MRC2: variants seen among roughly 807,000 people sequenced by gnomAD.
The protein encoded by MRC2 is mannose receptor C-type 2, also known as C-type mannose receptor 2.
A neutral mutation model predicts 206.2 loss-of-function variants in MRC2; 84 were observed. The observed-to-expected ratio is 0.41, with a 90% CI of 0.34 to 0.49. The LOEUF is 0.49. Among genes scored for constraint, MRC2 ranks in the 20% least tolerant of loss-of-function variants. MRC2 has a pLI of 0.31. For missense variants in MRC2, 1,676 were observed against 2,001.5 expected (o/e 0.84, Z 3.10); for synonymous variants, 798 against 800.0 (o/e 1.00, Z 0.04).
At position 62,690,781 on chromosome 17, in the gene MRC2, G is replaced by T; in HGVS notation, c.4012+20G>T. ...CCAAAGGTGGGTGCCCTGTGTGTGG[G>T]GTGGAGAGGTCAAGCCTCAGGCTGT... On this transcript the variant is annotated intron_variant, in intron 27 of 29. Transcript: ENST00000303375. 6.3e-7 allele frequency: 1 copy of T among 1,585,566 alleles called. No homozygotes were observed. Among genetic ancestry groups the T allele is most frequent in the Non-Finnish European group, 8.6e-7 (1 of 1,166,442 alleles).
At chr17:62,673,159 A>T (rs2088848505) in intron 8 of MRC2, among the ~76,000 whole-genome samples, 1 of 152,216 alleles carries the variant, frequency 6.6e-6, no homozygotes, top group Non-Finnish European at 1.5e-5. Context: ...ACAATTATGT[A>T]TTGAGTATCT....
Position 62,690,728 on chromosome 17 carries a change from G to A in MRC2, c.3979G>A (p.Gly1327Ser), listed in dbSNP as rs1326721193. The change falls in exon 27 of 30, where the codon GGC (glycine) becomes AGC (serine). Residue 1327 changes from glycine to serine, a missense_variant. Gly to Ser is a moderately conservative substitution (Grantham distance 56). Transcript: ENST00000303375. ...GCAGAGCTATGAGGGCCAGAGTCGGGGCGCCTGGCTGGGCATGAACTTCAA... is the reference window on the plus strand; with the variant it reads ...GCAGAGCTATGAGGGCCAGAGTCGGAGCGCCTGGCTGGGCATGAACTTCAA... ...HLQSYEGQSR[G>S]AWLGMNFNPK... 1.2e-6 allele frequency: 2 copies of A among 1,612,340 alleles called. No individual in the cohort carries two copies. The highest frequency in any genetic ancestry group is 1.1e-5 in the South Asian group (1 of 90,716).
chr17:62,656,190 G>A (rs1046186457), intron 1 of MRC2, among the ~76,000 whole-genome samples: 15 of 152,110 alleles, frequency 9.9e-5, no homozygotes, highest in African/African-American at 3.6e-4. Context: ...GGGATTACAG[G>A]TGTGCGCCAC....
chr17:62,635,177 A>G (rs1250693870), intron 1 of MRC2, among the ~76,000 whole-genome samples: 1 of 136,184 alleles, frequency 7.3e-6, no homozygotes, highest in Non-Finnish European at 1.5e-5. Flanking sequence ...CTGTTACTTC[A>G]TTGCTATTTT....
At chr17:62,638,779 G>A (rs551894529) in intron 1 of MRC2, among the ~76,000 whole-genome samples, 8 of 150,874 alleles carry the variant, frequency 5.3e-5, no homozygotes, top group Middle Eastern at 3.4e-3. Context: ...TTAGCCAGGC[G>A]TGGTGGTGGG....
At chr17:62,682,592 G>C (rs867285855) in intron 20 of MRC2, among the ~76,000 whole-genome samples, 1 of 152,154 alleles carries the variant, frequency 6.6e-6, no homozygotes, top group Admixed American at 6.5e-5. Flanking sequence ...CGGGAAGCAA[G>C]GTTGTCCAAA....
At chr17:62,685,224 A>G (rs1356281259) in intron 20 of MRC2, among the ~76,000 whole-genome samples, 1 of 152,148 alleles carries the variant, frequency 6.6e-6, no homozygotes, top group Admixed American at 6.5e-5. Flanking sequence ...TATTATTAAA[A>G]CTTTGGAAAA....
At chr17:62,683,458 A>G (rs2088994385) in intron 20 of MRC2, among the ~76,000 whole-genome samples, 1 of 151,426 alleles carries the variant, frequency 6.6e-6, no homozygotes, top group African/African-American at 2.4e-5. Flanking sequence ...ACAAAAGCGA[A>G]ACTCCGTCTC....
In MRC2 at chr17:62,676,448, T is replaced by A; in HGVS notation, c.1751T>A (p.Leu584Gln). ...NWEGEYFWTA[L>Q]QDLNSTGSFF... ...GAGGGCGAGTACTTCTGGACGGCCC[T>A]GCAGGACCTCAACAGCACCGGCTCC... The change falls in exon 11 of 30, where the codon CTG becomes CAG. Residue 584 changes from leucine to glutamine, a missense_variant. This residue lies in a region of MRC2 where 1,354 missense variants were observed against 1,636.6 expected (regional missense o/e 0.83). Transcript: ENST00000303375. The A allele has an allele frequency of 6.2e-7, 1 of 1,613,954 alleles. No individual in the cohort carries two copies.
intron 1 of MRC2, among the ~76,000 whole-genome samples, chr17:62,639,816 G>A (rs2088375937): frequency 6.6e-6 from 1 of 151,934 alleles, no homozygotes; most frequent in Admixed American, 6.6e-5. Context: ...ACCACATGAT[G>A]GATTATTTAC....
In MRC2 at chr17:62,676,574, G is replaced by A. The variant is rs1279601640; in HGVS notation, c.1834+43G>A. On this transcript the variant is annotated intron_variant, in intron 11 of 29. Transcript: ENST00000303375. ...CTTGCCTTGGTGAAGCGAGGAGGGA[G>A]GCCAGGGTGGACTGGCCCTGCCAGC... The A allele has an allele frequency of 3.9e-6, 6 of 1,545,076 alleles. No homozygotes were observed. The African/African-American group carries it at 6.9e-5, about 18-fold the overall frequency.
rs1312521508 is a variant in MRC2 at position 62,693,253 on chromosome 17, C to T, written c.*802C>T. 6.6e-6 allele frequency: 1 copy of T among 152,494 alleles called. No homozygotes were observed. The highest frequency in any genetic ancestry group is 1.9e-4 in the East Asian group (1 of 5,178). 9.4% of individuals were successfully genotyped at this position (152,494 alleles called of 1,614,324 possible). A position where few individuals can be genotyped will look rare whatever the true frequency, so the allele number is the denominator to read the frequency against. The stretch of plus-strand genomic sequence containing the variant: ...ACCAAAATAAGTTCCCTAACATCTC[C>T]AGCTCCTGGCTCTGGTTTGGAGCAA... On this transcript the variant is annotated 3_prime_UTR_variant, in exon 30 of 30. Coordinates refer to ENST00000303375, the MANE Select transcript of MRC2 (RefSeq NM_006039.5).
rs1182421313 is a variant in MRC2 at position 62,666,559 on chromosome 17, G to C, written c.799G>C (p.Glu267Gln). 4 of 1,612,254 alleles carry C rather than the reference G, an allele frequency of 2.5e-6. No homozygotes were observed. Among genetic ancestry groups the C allele is most frequent in the South Asian group, 1.1e-5 (1 of 90,804 alleles). Residue 267 changes from glutamate to glutamine, a missense_variant, in exon 4 of 30, where the codon GAG becomes CAG. This residue lies in a region of MRC2 where 1,354 missense variants were observed against 1,636.6 expected (regional missense o/e 0.83). Transcript: ENST00000303375. The surrounding 1 kb of genome is among the most constrained non-coding windows in gnomAD (Gnocchi z 5.0). Reference sequence around the variant, plus strand: ...GTGGAGGGAGGCCTGGGCCAGCTGCGAGCAGCAGGGTGCGGATCTGCTGAG... The same window carrying C: ...GTGGAGGGAGGCCTGGGCCAGCTGCCAGCAGCAGGGTGCGGATCTGCTGAG... ...LSWREAWASCEQQGADLLSIT... is the reference protein window; with the variant it reads ...LSWREAWASCQQQGADLLSIT...
At chr17:62,646,023 A>ATTTTT (rs34679697) in intron 1 of MRC2, among the ~76,000 whole-genome samples, 77 of 106,378 alleles carry the variant, frequency 7.2e-4, no homozygotes, top group African/African-American at 2.6e-3. Context: ...GTCCTTTTCT[A>ATTTTT]TTTTTTTTTT....
At chr17:62,679,053 GAGAT>G (rs1193478963) in intron 13 of MRC2, among the ~76,000 whole-genome samples, 3 of 152,084 alleles carry the variant, frequency 2.0e-5, no homozygotes, top group Non-Finnish European at 4.4e-5. Flanking sequence ...TTTTTCCTGA[GAGAT>G]AGGAGGAGAA....
At chr17:62,659,047 T>C (rs2088650512) in intron 1 of MRC2, among the ~76,000 whole-genome samples, 1 of 152,206 alleles carries the variant, frequency 6.6e-6, no homozygotes, top group African/African-American at 2.4e-5. Context: ...TCAAGGTTCC[T>C]GCCGATTCAA....
At position 62,692,536 on chromosome 17, in the gene MRC2, C is replaced by A; in HGVS notation, c.*85C>A. On this transcript the variant is annotated 3_prime_UTR_variant, in exon 30 of 30. Transcript: ENST00000303375. The surrounding 1 kb of genome is among the most constrained non-coding windows in gnomAD (Gnocchi z 4.2). ...GTCTGGCCCCCCACCAGCTGCCTGT[C>A]CAGTTGGCCTATGGAAGGGTGCCCT... 1.5e-6 allele frequency: 2 copies of A among 1,359,726 alleles called. No homozygotes were observed. Among genetic ancestry groups the A allele is most frequent in the South Asian group, 1.4e-5 (1 of 73,654 alleles). The allele number at this position is 1,359,726 out of a possible 1,614,324, so 84.2% of individuals were successfully genotyped here. A position where few individuals can be genotyped will look rare whatever the true frequency, so the allele number is the denominator to read the frequency against.
Position 62,667,837 on chromosome 17 carries a change from T to C in MRC2, c.1117+304T>C, listed in dbSNP as rs1333294644. Among the ~76,000 whole-genome samples the C allele has an allele frequency of 6.6e-6, 1 of 152,204 alleles. No homozygotes were observed. Among genetic ancestry groups the C allele is most frequent in the Admixed American group, 6.5e-5 (1 of 15,282 alleles). On this transcript the variant is annotated intron_variant, in intron 6 of 29. Coordinates refer to ENST00000303375, the MANE Select transcript of MRC2 (RefSeq NM_006039.5). This position sits in a 1 kb window ranked among gnomAD's most constrained non-coding sequence, Gnocchi z 4.1. ...AATGCAGTTAGACTATCCCAGGTCA[T>C]GAGTGATTATAGAAATATGGATCAG...
rs757929356 is a variant in MRC2, at chr17:62,678,519, C to T, written c.2068C>T (p.Arg690Trp). 33 of 1,612,004 alleles carry T rather than the reference C, an allele frequency of 2.0e-5. No individual in the cohort carries two copies. Among genetic ancestry groups the T allele is most frequent in the African/African-American group, 2.7e-5 (2 of 74,856 alleles). Residue 690 changes from arginine to tryptophan, a missense_variant, in exon 13 of 30, where the codon CGG becomes TGG. Physicochemically the swap from Arg to Trp is moderately radical, Grantham distance 101. Around this residue, in one of 3 missense-constraint regions of MRC2, gnomAD observed 1,354 missense variants for 1,636.6 expected, o/e 0.83. Coordinates refer to ENST00000303375, the MANE Select transcript of MRC2 (RefSeq NM_006039.5). The stretch of plus-strand genomic sequence containing the variant: ...GCCCCTGCAGGTGTTCAGCTCAGAG[C>T]GGCTGCAGGACAAGAAGAGCTGGGT... ...RYCYKVFSSE[R>W]LQDKKSWVQA...
Sources: allele counts gnomAD v4.1 joint callset (sites outside exome capture counted in the v4.1 genomes callset), GRCh38; gene constraint gnomAD v4.1.1; regional missense constraint gnomAD v4.1.1; non-coding constraint Gnocchi (gnomAD v3.1); transcripts MANE v1.5; gene names NCBI Gene and HGNC (gene_info 2026-07-23, HGNC 2026-07-21).